KIN: variants seen among roughly 807,000 people sequenced by gnomAD.
The protein encoded by KIN is DNA/RNA-binding protein KIN17.
Under a neutral mutation model 63.0 loss-of-function variants are expected in KIN, and 47 were observed. That is an observed-to-expected ratio of 0.75 (90% CI 0.59 to 0.95). KIN has a LOEUF of 0.95. Ranked by LOEUF, KIN falls within the 40% of genes least tolerant of loss-of-function variation. The pLI, the probability that KIN is intolerant of heterozygous loss-of-function variation, is 0.00. For synonymous variants in KIN, 160 were observed against 157.7 expected, an observed-to-expected ratio of 1.01 and a Z score of -0.11; for missense variants, 408 against 460.9, an observed-to-expected ratio of 0.89 and a Z score of 1.05.
chr10:7,779,428 C>A (rs991871597), intron 4 of KIN, among the ~76,000 whole-genome samples: 1 of 152,000 alleles, frequency 6.6e-6, no homozygotes, highest in Non-Finnish European at 1.5e-5. Context: ...AAACAAAACA[C>A]CAAATACACT....
chr10:7,775,427 G>A (rs1251108371), intron 6 of KIN, among the ~76,000 whole-genome samples: 1 of 152,202 alleles, frequency 6.6e-6, no homozygotes, highest in African/African-American at 2.4e-5. Context: ...TCACGACAAT[G>A]CAGAATCTGC....
intron 12 of KIN, 51 bp downstream of exon 12, chr10:7,759,839 G>A: frequency 2.2e-6 from 2 of 907,206 alleles, no homozygotes; most frequent in South Asian, 1.5e-5. Flanking sequence ...AAAAACTATG[G>A]CACATTTTTA....
intron 8 of KIN, among the ~76,000 whole-genome samples, chr10:7,767,644 G>A (rs1332770159): frequency 1.3e-5 from 2 of 152,046 alleles, no homozygotes; most frequent in Non-Finnish European, 2.9e-5. Flanking sequence ...GATCACCTGA[G>A]GCCAGGAGTT....
chr10:7,781,587 T>TCTACACACACACACACACAC (rs71515486), intron 2 of KIN, among the ~76,000 whole-genome samples: 106 of 140,716 alleles, frequency 7.5e-4, no homozygotes, highest in African/African-American at 2.7e-3. Context: ...ACCCTGTCTC[T>TCTACACACACACACACACAC]ACACACACAC....
At chr10:7,778,440 C>A (rs543068587) in intron 5 of KIN, among the ~76,000 whole-genome samples, 4 of 152,062 alleles carry the variant, frequency 2.6e-5, no homozygotes, top group Admixed American at 2.6e-4. Flanking sequence ...CTTGATTCAA[C>A]GCTGAAAAGA....
intron 8 of KIN, among the ~76,000 whole-genome samples, chr10:7,768,570 T>TGCTCGCTAGGAGGTGCTAAGCGGAA (rs1835599697): frequency 6.6e-6 from 1 of 150,828 alleles, no homozygotes; most frequent in African/African-American, 2.4e-5. Flanking sequence ...AGGTTTCTCG[T>TGCTCGCTAGGAGGTGCTAAGCGGAA]GCTCGCTAGG....
At chr10:7,778,340 C>G (rs1835821972) in intron 5 of KIN, among the ~76,000 whole-genome samples, 1 of 152,186 alleles carries the variant, frequency 6.6e-6, no homozygotes. Context: ...GTTAGTATGT[C>G]AGGAATCAAA....
Position 7,753,291 on chromosome 10 carries a change from T to C in KIN, c.*2789A>G, listed in dbSNP as rs769049490. ...ATTCTGAAATAATTTCAGAAAGACG[T>C]TGGAGAATTAAATGTGGGAGGCAGA... is the stretch of plus-strand genomic sequence containing the variant. On this transcript the variant is annotated 3_prime_UTR_variant, in exon 13 of 13. Coordinates refer to ENST00000379562, the MANE Select transcript of KIN (RefSeq NM_012311.4). 1.3e-5 allele frequency: 2 copies of C among 152,192 alleles called. No individual in the cohort carries two copies. Among genetic ancestry groups the C allele is most frequent in the East Asian group, 1.9e-4 (1 of 5,196 alleles). 9.4% of individuals were successfully genotyped at this position (152,192 alleles called of 1,614,324 possible).
chr10:7,758,933 A>G (rs1835386635), intron 12 of KIN, among the ~76,000 whole-genome samples: 1 of 151,964 alleles, frequency 6.6e-6, no homozygotes, highest in South Asian at 2.1e-4. Flanking sequence ...AGGATCAGAA[A>G]GAAAAAAAAA....
At position 7,776,074 on chromosome 10, in the gene KIN, CA is replaced by C. The variant is rs1244815647; in HGVS notation, c.559-276del. ...AAACCCTGTCTCTGCTAAAAATACA[CA>C]AAAAATTAGCCGAGCATGGTGGTAT... On this transcript the variant is annotated intron_variant, in intron 5 of 12. Transcript: ENST00000379562. 2.2e-4 allele frequency among the ~76,000 whole-genome samples: 34 copies of C among 151,344 alleles called. 1 individual carries two copies. The highest frequency in any genetic ancestry group is 8.2e-4 in the African/African-American group (34 of 41,228).
chr10:7,778,756 C>A, intron 5 of KIN, 82 bp downstream of exon 5: 1 of 1,436,412 alleles, frequency 7.0e-7, no homozygotes, highest in Non-Finnish European at 9.6e-7. Context: ...ACAACAACAA[C>A]AAAAACAAAA....
At chr10:7,764,774 A>G (rs1230054986) in intron 9 of KIN, among the ~76,000 whole-genome samples, 1 of 152,228 alleles carries the variant, frequency 6.6e-6, no homozygotes, top group Non-Finnish European at 1.5e-5. Flanking sequence ...TTCACACTCT[A>G]GTAATTGGAA....
intron 1 of KIN, among the ~76,000 whole-genome samples, chr10:7,786,490 C>T (rs1347959920): frequency 1.3e-5 from 2 of 151,950 alleles, no homozygotes; most frequent in Non-Finnish European, 2.9e-5. Context: ...ATATATTGAA[C>T]CCTAACCCCC....
At chr10:7,769,481 TG>T in intron 7 of KIN, 136 bp from the exon 8 acceptor site, 1 of 816,624 alleles carries the variant, frequency 1.2e-6, no homozygotes, top group Non-Finnish European at 1.9e-6. Flanking sequence ...ATGGAGTCCC[TG>T]TCCACATCTC....
chr10:7,756,458 C>G (rs897049119), intron 12 of KIN, among the ~76,000 whole-genome samples: 2 of 152,186 alleles, frequency 1.3e-5, no homozygotes, highest in Admixed American at 1.3e-4. Context: ...TTAGCTGTGG[C>G]CATGCATGGA....
intron 5 of KIN, among the ~76,000 whole-genome samples, chr10:7,776,092 T>A (rs1318903568): frequency 6.6e-6 from 1 of 151,610 alleles, no homozygotes; most frequent in Non-Finnish European, 1.5e-5. Flanking sequence ...TAGCCGAGCA[T>A]GGTGGTATGC....
At chr10:7,786,549 T>C (rs1588491239) in intron 1 of KIN, among the ~76,000 whole-genome samples, 2 of 151,472 alleles carry the variant, frequency 1.3e-5, no homozygotes, top group Non-Finnish European at 1.5e-5. Context: ...TGGATTTAGA[T>C]GAGGTCACAA....
At chr10:7,769,570 C>T (rs1220838975) in intron 7 of KIN, among the ~76,000 whole-genome samples, 3 of 152,128 alleles carry the variant, frequency 2.0e-5, no homozygotes, top group African/African-American at 7.2e-5. Context: ...ACTGTGTGAG[C>T]ATTTAACCCA....
intron 5 of KIN, among the ~76,000 whole-genome samples, chr10:7,777,053 CAAAAAAAAAA>C (rs60757813): frequency 1.2e-5 from 1 of 80,724 alleles, no homozygotes; most frequent in Non-Finnish European, 2.4e-5. Flanking sequence ...GACAGTCTCT[CAAAAAAAAAA>C]AAAAAAAAAA....
Sources: gnomAD v4.1 joint callset for allele counts (sites outside exome capture counted in the v4.1 genomes callset) on GRCh38, gnomAD v4.1.1 for gene constraint, MANE v1.5 for transcripts, NCBI Gene and HGNC (gene_info 2026-07-23, HGNC 2026-07-21) for gene names.